PEPD: variants seen among roughly 807,000 people sequenced by gnomAD.
PEPD encodes xaa-Pro dipeptidase.
A neutral mutation model predicts 60.7 loss-of-function variants in PEPD; 53 were observed. The ratio of observed to expected loss-of-function variants is 0.87; its 90% CI spans 0.70 to 1.10. PEPD has a LOEUF of 1.10. Among genes scored for constraint, PEPD ranks in the 50% least tolerant of loss-of-function variants. PEPD has a pLI of 0.00. For synonymous variants in PEPD, 267 were observed against 284.1 expected (o/e 0.94, Z 0.60); for missense variants, 711 against 711.9 (o/e 1.00, Z 0.01).
intron 6 of PEPD, among the ~76,000 whole-genome samples, chr19:33,481,953 G>A (rs555133701): frequency 3.3e-4 from 50 of 152,006 alleles, no homozygotes; most frequent in Non-Finnish European, 5.0e-4. Context: ...CCCAGGAGGC[G>A]GAGGTGCAGT....
At chr19:33,453,325 T>A (rs185414065) in intron 9 of PEPD, among the ~76,000 whole-genome samples, 22 of 130,132 alleles carry the variant, frequency 1.7e-4, no homozygotes, top group South Asian at 4.5e-4. Context: ...AAAAAATAAA[T>A]AAATAAATAA....
intron 9 of PEPD, among the ~76,000 whole-genome samples, chr19:33,448,675 C>T (rs549000228): frequency 3.6e-4 from 55 of 152,188 alleles, no homozygotes; most frequent in Non-Finnish European, 6.9e-4. Flanking sequence ...TGAAAAGAGT[C>T]GGCTTCAGTG....
rs780447422 is a variant in PEPD, at chr19:33,463,998, C to G, written c.613G>C (p.Ala205Pro). The change falls in exon 8 of 15, where the codon GCC becomes CCC. Residue 205 changes from alanine to proline, a missense_variant. Ala to Pro is a conservative substitution (Grantham distance 27, BLOSUM62 -1). Transcript: ENST00000244137. ...GGTGCCTGACTTACCTCACGGTGGG[C>G]CTCGCTGGAGATTTTATTGGTATAG... is the stretch of plus-strand genomic sequence containing the variant. ...LRYTNKISSE[A>P]HREVMKAVKV... 3.0e-5 allele frequency: 48 copies of G among 1,610,468 alleles called. No homozygotes were observed. Among genetic ancestry groups the G allele is most frequent in the Non-Finnish European group, 4.0e-5 (47 of 1,177,482 alleles).
intron 9 of PEPD, among the ~76,000 whole-genome samples, chr19:33,447,048 T>C (rs933105907): frequency 1.3e-5 from 2 of 152,210 alleles, no homozygotes; most frequent in Non-Finnish European, 2.9e-5. Context: ...GCTGGAGAAG[T>C]AGCTATGGTG....
Position 33,493,306 on chromosome 19 carries a change from G to C in PEPD, c.425C>G (p.Ser142Cys), listed in dbSNP as rs375915358. The change falls in exon 5 of 15, where the codon TCT becomes TGT. Residue 142 changes from serine (S) to cysteine (C), a missense_variant. By Grantham distance (112) the Ser-to-Cys change is moderately radical. Coordinates refer to ENST00000244137, the MANE Select transcript of PEPD (RefSeq NM_000285.4). Reference protein sequence around the residue: ...IASVLTSQKPSVLLTLRGVNT... With the variant: ...IASVLTSQKPCVLLTLRGVNT... ...GCCACTTACCAAAGTGAGGAGGACAGAGGGCTTCTGTGACGTCAGGACGCT... is the reference window on the plus strand; with the variant it reads ...GCCACTTACCAAAGTGAGGAGGACACAGGGCTTCTGTGACGTCAGGACGCT... 1.9e-6 allele frequency: 3 copies of C among 1,613,512 alleles called. No individual in the cohort carries two copies. The highest frequency in any genetic ancestry group is 1.1e-5 in the South Asian group (1 of 91,046).
In PEPD at chr19:33,387,084, C is replaced by A; in HGVS notation, c.*260G>T. The A allele has an allele frequency of 1.9e-6, 1 of 526,418 alleles. No homozygotes were observed. The highest frequency in any genetic ancestry group is 3.4e-6 in the Non-Finnish European group (1 of 295,704). The allele number at this position is 526,418 out of a possible 1,614,324, so 32.6% of individuals were successfully genotyped here. A position where few individuals can be genotyped will look rare whatever the true frequency, so the allele number is the denominator to read the frequency against. On this transcript the variant is annotated 3_prime_UTR_variant, in exon 15 of 15. Coordinates refer to ENST00000244137, the MANE Select transcript of PEPD (RefSeq NM_000285.4). ...ACACATTTTAGTTGCTACTAAAGAA[C>A]AGCATTATTTTCAATCATTTTAAGT...
intron 7 of PEPD, among the ~76,000 whole-genome samples, chr19:33,471,541 T>C (rs2145286694): frequency 6.6e-6 from 1 of 151,666 alleles, no homozygotes; most frequent in South Asian, 2.1e-4. Context: ...GCCCCTGGAG[T>C]GAGAGATGCA....
rs752794552 is a variant in PEPD at position 33,521,755 on chromosome 19, C to T, written c.6G>A (p.Ala2=). M[A]AATGPSFWLG... The stretch of plus-strand genomic sequence containing the variant: ...GGCGCAGCACTCACCCGGTGGCCGC[C>T]GCCATGTTCGCCCGGCACCGGCGTC... Residue 2 remains alanine (A), a synonymous_variant, in exon 1 of 15, where the codon GCG becomes GCA. Transcript: ENST00000244137. 1.8e-5 allele frequency: 29 copies of T among 1,577,560 alleles called. No individual in the cohort carries two copies. The East Asian group carries it at 4.4e-4, about 24-fold the overall frequency.
intron 4 of PEPD, among the ~76,000 whole-genome samples, chr19:33,497,551 T>C (rs1970631050): frequency 6.6e-6 from 1 of 152,240 alleles, no homozygotes; most frequent in African/African-American, 2.4e-5. Flanking sequence ...ATGGCATACA[T>C]GCTATCACGT....
intron 9 of PEPD, among the ~76,000 whole-genome samples, chr19:33,419,053 C>G (rs1401966821): frequency 6.6e-6 from 1 of 152,228 alleles, no homozygotes; most frequent in East Asian, 1.9e-4. Flanking sequence ...ACTCCCTCTT[C>G]CTGCCGCTCC....
chr19:33,472,015 GCC>G (rs1483765797), intron 7 of PEPD, among the ~76,000 whole-genome samples: 3 of 152,168 alleles, frequency 2.0e-5, no homozygotes, highest in African/African-American at 7.2e-5. Context: ...TACAAAAGTA[GCC>G]GGGCATGGTG....
At chr19:33,436,989 G>A (rs1568470579) in intron 9 of PEPD, among the ~76,000 whole-genome samples, 1 of 152,208 alleles carries the variant, frequency 6.6e-6, no homozygotes, top group Admixed American at 6.5e-5. Context: ...CTTCCTGGAG[G>A]AGGAGGAAAG....
intron 11 of PEPD, among the ~76,000 whole-genome samples, chr19:33,410,740 A>C (rs758590120): frequency 3.3e-5 from 5 of 152,142 alleles, no homozygotes; most frequent in Non-Finnish European, 7.4e-5. Flanking sequence ...GGCACCAAAG[A>C]ACTGGGAGGG....
intron 11 of PEPD, among the ~76,000 whole-genome samples, chr19:33,403,864 G>A (rs1317521783): frequency 1.3e-5 from 2 of 152,236 alleles, no homozygotes; most frequent in African/African-American, 4.8e-5. Context: ...CTGCATGACA[G>A]GGAGCTTTGG....
At chr19:33,466,736 A>G (rs1216662837) in intron 7 of PEPD, among the ~76,000 whole-genome samples, 1 of 151,360 alleles carries the variant, frequency 6.6e-6, no homozygotes, top group Non-Finnish European at 1.5e-5. Context: ...ATGCATGTAT[A>G]TATGTTGCTT....
intron 11 of PEPD, among the ~76,000 whole-genome samples, chr19:33,409,711 C>T (rs1041285265): frequency 6.6e-6 from 1 of 152,190 alleles, no homozygotes; most frequent in Non-Finnish European, 1.5e-5. Flanking sequence ...TCTGGAGCCA[C>T]TGGTGGGTCC....
intron 11 of PEPD, among the ~76,000 whole-genome samples, chr19:33,402,364 T>A (rs777572389): frequency 1.3e-5 from 2 of 152,144 alleles, no homozygotes; most frequent in South Asian, 4.1e-4. Context: ...AGGAGGGGGC[T>A]GGGCAGGGAC....
At chr19:33,431,017 G>A (rs111973749) in intron 9 of PEPD, among the ~76,000 whole-genome samples, 2,281 of 152,262 alleles carry the variant, frequency 0.015, 63 homozygotes, top group African/African-American at 0.051. Context: ...GGAGGCTGAG[G>A]CAGGAGGACT....
intron 9 of PEPD, among the ~76,000 whole-genome samples, chr19:33,426,682 G>A (rs1969157625): frequency 1.3e-5 from 2 of 152,264 alleles, no homozygotes; most frequent in African/African-American, 2.4e-5. Context: ...TGGTCACTGC[G>A]CAGCAGGTGG....
Sources: allele counts gnomAD v4.1 joint callset (sites outside exome capture counted in the v4.1 genomes callset), GRCh38; gene constraint gnomAD v4.1.1; transcripts MANE v1.5; gene names NCBI Gene and HGNC (gene_info 2026-07-23, HGNC 2026-07-21).